The following SLC35F4 variants were observed in gnomAD, a reference collection of about 807,000 sequenced individuals.
The protein encoded by SLC35F4 is chromosome 14 open reading frame 36.
Under a neutral mutation model 44.2 loss-of-function variants are expected in SLC35F4, and 24 were observed. That is an observed-to-expected ratio of 0.54 (90% CI 0.39 to 0.76). SLC35F4 has a LOEUF of 0.76. SLC35F4 is among the 30% of genes least tolerant of loss of function. SLC35F4 has a pLI of 0.00. For synonymous variants in SLC35F4, 238 were observed against 223.6 expected (o/e 1.06, Z -0.57); for missense variants, 562 against 586.1 (o/e 0.96, Z 0.42).
chr14:57,915,589 C>T (rs556138731), intron 1 of SLC35F4, among the ~76,000 whole-genome samples: 41 of 152,300 alleles, frequency 2.7e-4, no homozygotes, highest in Non-Finnish European at 5.0e-4. Flanking sequence ...ACCCGATATA[C>T]TATTTTATCA....
chr14:57,723,183 C>G (rs1241068509), intron 1 of SLC35F4, among the ~76,000 whole-genome samples: 1 of 152,198 alleles, frequency 6.6e-6, no homozygotes, highest in Non-Finnish European at 1.5e-5. Context: ...GTCCAAATTA[C>G]AGTGGGTCCC....
chr14:57,750,993 G>A (rs551257323), intron 1 of SLC35F4, among the ~76,000 whole-genome samples: 22 of 152,130 alleles, frequency 1.4e-4, no homozygotes, highest in South Asian at 6.2e-4. Context: ...AGTCTCCTCC[G>A]TCTCCGTTTA....
chr14:57,579,708 G>A (rs1056216870), intron 4 of SLC35F4, among the ~76,000 whole-genome samples: 1 of 152,050 alleles, frequency 6.6e-6, no homozygotes, highest in South Asian at 2.1e-4. Flanking sequence ...AATATCAATC[G>A]AACCCCCACT....
At chr14:57,745,299 C>G (rs1164339872) in intron 1 of SLC35F4, among the ~76,000 whole-genome samples, 1 of 152,152 alleles carries the variant, frequency 6.6e-6, no homozygotes, top group Non-Finnish European at 1.5e-5. Flanking sequence ...AACAGGCAAC[C>G]TACAGAAAGG....
upstream of SLC35F4, among the ~76,000 whole-genome samples, chr14:57,866,275 G>A (rs1455757072): frequency 1.3e-5 from 2 of 152,300 alleles, no homozygotes; most frequent in South Asian, 4.1e-4. Context: ...GTGGCCAGGG[G>A]CTCAGAGAAG....
At chr14:57,738,748 C>CATATATATATATATAT (rs36212594) in intron 1 of SLC35F4, among the ~76,000 whole-genome samples, 2 of 110,302 alleles carry the variant, frequency 1.8e-5, no homozygotes, top group Non-Finnish European at 1.8e-5. Flanking sequence ...TTTGAATTTT[C>CATATATATATATATAT]ATATATATAT....
At chr14:57,652,592 G>A (rs1594712771) in intron 1 of SLC35F4, among the ~76,000 whole-genome samples, 2 of 152,032 alleles carry the variant, frequency 1.3e-5, no homozygotes, top group African/African-American at 4.8e-5. Context: ...CAGAGGCCAG[G>A]GATGCTGCTA....
At chr14:57,593,327 G>T (rs771094373) in intron 2 of SLC35F4, among the ~76,000 whole-genome samples, 1 of 152,190 alleles carries the variant, frequency 6.6e-6, no homozygotes, top group Non-Finnish European at 1.5e-5. Context: ...TATAAATTTT[G>T]CTGGGAAACT....
chr14:57,841,030 C>T (rs1385550983), intron 1 of SLC35F4, among the ~76,000 whole-genome samples: 1 of 151,998 alleles, frequency 6.6e-6, no homozygotes, highest in African/African-American at 2.4e-5. Context: ...AGTAGCAAGC[C>T]CCTTATCCCC....
chr14:57,589,489 G>C lies in SLC35F4; in HGVS notation c.314C>G (p.Ser105Cys). ...TCTGTTTTCTTGGCTGCTGTTCTCA[G>C]AATGAGTCTGTGTCCCATCGTCTGC... ...RSADDGTQTH[S>C]ENSSQENRIK... The change falls in exon 3 of 8, where the codon TCT becomes TGT. Residue 105 changes from serine (S) to cysteine (C), a missense_variant. Ser to Cys is a moderately radical substitution (Grantham distance 112, BLOSUM62 -1). Coordinates refer to ENST00000556826, the MANE Select transcript of SLC35F4 (RefSeq NM_001306087.2). 1 of 1,612,884 alleles carries C rather than the reference G, an allele frequency of 6.2e-7. No individual in the cohort carries two copies. Among genetic ancestry groups the C allele is most frequent in the East Asian group, 2.2e-5 (1 of 44,874 alleles).
chr14:57,696,410 G>T (rs1020556044), intron 1 of SLC35F4, among the ~76,000 whole-genome samples: 1 of 152,114 alleles, frequency 6.6e-6, no homozygotes, highest in Admixed American at 6.6e-5. Flanking sequence ...TAAAAAGTTG[G>T]GAAACAACAG....
chr14:57,667,429 A>T (rs941293673), intron 1 of SLC35F4, among the ~76,000 whole-genome samples: 1 of 151,148 alleles, frequency 6.6e-6, no homozygotes, highest in African/African-American at 2.4e-5. Context: ...GGTGTGCTGC[A>T]CCCATTAACT....
chr14:57,639,657 C>A (rs1336409863), intron 1 of SLC35F4, among the ~76,000 whole-genome samples: 1 of 151,894 alleles, frequency 6.6e-6, no homozygotes, highest in Non-Finnish European at 1.5e-5. Context: ...GGGCCCAGTA[C>A]TTTATTAGGT....
chr14:57,914,924 ACT>A (rs1889287567), intron 1 of SLC35F4, among the ~76,000 whole-genome samples: 1 of 151,526 alleles, frequency 6.6e-6, no homozygotes. Flanking sequence ...CTTAGAAGGG[ACT>A]CTCTGCAGCA....
rs1334565203 is a variant in SLC35F4, at chr14:57,865,789, T to C, written c.37A>G (p.Ile13Val). ...VKAAPNGVATIEDRILRITGY... is the reference protein window; with the variant it reads ...VKAAPNGVATVEDRILRITGY... ...GTGATCCGCAGGATCCGGTCCTCGA[T>C]AGTGGCCACCCCGTTGGGGGCCGCC... The change falls in exon 1 of 8, where the codon ATC (isoleucine) becomes GTC (valine). Residue 13 changes from isoleucine (I) to valine (V), a missense_variant. Transcript: ENST00000556826. 2.6e-6 allele frequency: 4 copies of C among 1,521,636 alleles called. No homozygotes were observed. Among genetic ancestry groups the C allele is most frequent in the Admixed American group, 2.0e-5 (1 of 49,280 alleles). 94.3% of individuals were successfully genotyped at this position (1,521,636 alleles called of 1,614,324 possible).
intron 1 of SLC35F4, among the ~76,000 whole-genome samples, chr14:57,851,789 C>A (rs1292283703): frequency 6.6e-6 from 1 of 152,090 alleles, no homozygotes; most frequent in Non-Finnish European, 1.5e-5. Flanking sequence ...TTATAACGCA[C>A]CAGTGTTGGT....
intron 1 of SLC35F4, among the ~76,000 whole-genome samples, chr14:57,760,875 T>A (rs2077108271): frequency 6.6e-6 from 1 of 152,220 alleles, no homozygotes; most frequent in Admixed American, 6.5e-5. Flanking sequence ...CACATGTTTA[T>A]AATCATCAAT....
At chr14:57,956,538 C>T (rs867999388) in intron 1 of SLC35F4, among the ~76,000 whole-genome samples, 1 of 152,178 alleles carries the variant, frequency 6.6e-6, no homozygotes, top group Non-Finnish European at 1.5e-5. Flanking sequence ...TGCAATCTAT[C>T]CATCTGACAA....
At chr14:57,625,624 C>G (rs1756399623) in intron 1 of SLC35F4, among the ~76,000 whole-genome samples, 1 of 152,238 alleles carries the variant, frequency 6.6e-6, no homozygotes, top group Non-Finnish European at 1.5e-5. Flanking sequence ...TGGAACAGAA[C>G]AGAGCCCTCA....
Sources: allele counts gnomAD v4.1 joint callset (sites outside exome capture counted in the v4.1 genomes callset), GRCh38; gene constraint gnomAD v4.1.1; transcripts MANE v1.5; gene names NCBI Gene and HGNC (gene_info 2026-07-23, HGNC 2026-07-21).